The following RALYL variants were observed in gnomAD, a reference collection of about 807,000 sequenced individuals.
RALYL encodes RNA-binding Raly-like protein.
RALYL carries 29 observed loss-of-function variants against 35.1 expected under a neutral mutation model. The ratio of observed to expected loss-of-function variants is 0.83; its 90% CI spans 0.61 to 1.13. RALYL has a LOEUF of 1.13. RALYL is among the 50% of genes most tolerant of loss of function. The pLI is 0.00. For missense variants in RALYL, 359 were observed against 360.4 expected (o/e 1.00, Z 0.03); for synonymous variants, 120 against 127.6 (o/e 0.94, Z 0.40).
At position 84,703,828 on chromosome 8, in the gene RALYL, C is replaced by T. The variant is rs574349973; in HGVS notation, c.257-70751C>T. Among the ~76,000 whole-genome samples, 16 of 152,226 alleles carry T rather than the reference C, an allele frequency of 1.1e-4. No homozygotes were observed. The South Asian group carries it at 3.3e-3, about 32-fold the overall frequency. ...ATGGCATTGGTGTCTAAGAAATCAG[C>T]AAATAGCTTTTATAAAGGAGACATT... On this transcript the variant is annotated intron_variant, in intron 2 of 8. Coordinates refer to ENST00000521268, the MANE Select transcript of RALYL (RefSeq NM_173848.7).
At chr8:84,688,033 G>A (rs1431921714) in intron 2 of RALYL, among the ~76,000 whole-genome samples, 3 of 151,558 alleles carry the variant, frequency 2.0e-5, no homozygotes, top group Non-Finnish European at 4.4e-5. Flanking sequence ...AATTTAAATG[G>A]ACAAATGGAC....
intron 1 of RALYL, among the ~76,000 whole-genome samples, chr8:84,338,993 T>C (rs1848306680): frequency 6.6e-6 from 1 of 151,990 alleles, no homozygotes; most frequent in South Asian, 2.1e-4. Flanking sequence ...TCACAAAATA[T>C]AAGAGGTATC....
intron 2 of RALYL, among the ~76,000 whole-genome samples, chr8:84,730,113 A>C (rs1161670691): frequency 2.6e-5 from 4 of 152,190 alleles, no homozygotes; most frequent in African/African-American, 4.8e-5. Flanking sequence ...ATCCTTGATG[A>C]ACATTGATGC....
intron 8 of RALYL, among the ~76,000 whole-genome samples, chr8:84,919,813 T>A (rs893065913): frequency 1.3e-5 from 2 of 152,120 alleles, no homozygotes; most frequent in African/African-American, 4.8e-5. Flanking sequence ...TTAAATTTTT[T>A]TTCATGTTAG....
intron 1 of RALYL, among the ~76,000 whole-genome samples, chr8:84,239,205 A>G (rs1481075150): frequency 1.3e-5 from 2 of 152,208 alleles, no homozygotes; most frequent in Non-Finnish European, 2.9e-5. Flanking sequence ...TGTTTTTATT[A>G]TAGAGAACAG....
intron 1 of RALYL, among the ~76,000 whole-genome samples, chr8:84,388,453 C>A (rs147128803): frequency 0.017 from 2,593 of 152,238 alleles, 69 homozygotes; most frequent in African/African-American, 0.059. Flanking sequence ...TTTATAGTCC[C>A]ACCAACAGTG....
chr8:84,369,411 A>G (rs1299674987), intron 1 of RALYL, among the ~76,000 whole-genome samples: 2 of 152,092 alleles, frequency 1.3e-5, no homozygotes, highest in African/African-American at 4.8e-5. Flanking sequence ...GTCAATAAAT[A>G]CCTCAGACTG....
intron 1 of RALYL, among the ~76,000 whole-genome samples, chr8:84,411,264 A>C (rs1434824227): frequency 1.3e-5 from 2 of 151,906 alleles, no homozygotes. Flanking sequence ...CAAAATAATA[A>C]CATCTTGCTG....
intron 1 of RALYL, among the ~76,000 whole-genome samples, chr8:84,426,329 A>G (rs1049820347): frequency 6.6e-6 from 1 of 151,986 alleles, no homozygotes; most frequent in Admixed American, 6.6e-5. Flanking sequence ...TTAGATCTCT[A>G]CACTCTTGCA....
intron 2 of RALYL, among the ~76,000 whole-genome samples, chr8:84,583,372 G>T (rs1418618975): frequency 6.6e-6 from 1 of 152,082 alleles, no homozygotes; most frequent in Admixed American, 6.5e-5. Context: ...AAATGGATCA[G>T]ATAATAAAAT....
intron 2 of RALYL, among the ~76,000 whole-genome samples, chr8:84,652,252 C>A (rs1828999825): frequency 6.6e-6 from 1 of 152,060 alleles, no homozygotes; most frequent in Non-Finnish European, 1.5e-5. Context: ...TACCTAAAAA[C>A]TTAGAAATTA....
intron 4 of RALYL, among the ~76,000 whole-genome samples, chr8:84,838,201 G>A (rs529485402): frequency 1.6e-4 from 24 of 152,208 alleles, no homozygotes; most frequent in Non-Finnish European, 3.4e-4. Context: ...TTAAAAAACT[G>A]AATATGACTC....
chr8:84,867,870 A>G (rs1253092111), intron 6 of RALYL, among the ~76,000 whole-genome samples: 1 of 152,212 alleles, frequency 6.6e-6, no homozygotes. Flanking sequence ...ACTATTTCAT[A>G]GACAAAATAG....
intron 1 of RALYL, among the ~76,000 whole-genome samples, chr8:84,404,925 A>G (rs562480148): frequency 3.9e-5 from 6 of 152,282 alleles, no homozygotes; most frequent in Admixed American, 6.5e-5. Context: ...TTCTCAGCAC[A>G]ACATAACACT....
chr8:84,600,560 A>G (rs1018666875), intron 2 of RALYL, among the ~76,000 whole-genome samples: 4 of 152,084 alleles, frequency 2.6e-5, no homozygotes, highest in Non-Finnish European at 5.9e-5. Flanking sequence ...ATGTTTTCCT[A>G]GGAGGATCCC....
intron 1 of RALYL, among the ~76,000 whole-genome samples, chr8:84,512,797 A>G (rs564718858): frequency 4.6e-5 from 7 of 152,250 alleles, no homozygotes; most frequent in South Asian, 2.1e-4. Flanking sequence ...ACTTTCTCCA[A>G]TGTATGTTCT....
At chr8:84,326,788 C>A (rs893899169) in intron 1 of RALYL, among the ~76,000 whole-genome samples, 1 of 152,080 alleles carries the variant, frequency 6.6e-6, no homozygotes, top group South Asian at 2.1e-4. Flanking sequence ...ATATAAAAAT[C>A]CATGTCTTTT....
chr8:84,593,336 T>C (rs1401234475), intron 2 of RALYL, among the ~76,000 whole-genome samples: 1 of 152,080 alleles, frequency 6.6e-6, no homozygotes, highest in Non-Finnish European at 1.5e-5. Flanking sequence ...TCTTAGCTTC[T>C]GTTCTGTCAA....
intron 7 of RALYL, among the ~76,000 whole-genome samples, chr8:84,885,666 G>A (rs1382765648): frequency 6.6e-6 from 1 of 152,042 alleles, no homozygotes; most frequent in Non-Finnish European, 1.5e-5. Flanking sequence ...TTCTCTTAAT[G>A]AAAAAGAGCC....
Sources: gnomAD v4.1 joint callset for allele counts (sites outside exome capture counted in the v4.1 genomes callset) on GRCh38, gnomAD v4.1.1 for gene constraint, MANE v1.5 for transcripts, NCBI Gene and HGNC (gene_info 2026-07-23, HGNC 2026-07-21) for gene names.